Variants in PTPRK observed in about 807,000 individuals in gnomAD.
The protein encoded by PTPRK is protein tyrosine phosphatase receptor type K.
In PTPRK, 75 loss-of-function variants were observed where a neutral mutation model predicts 178.0. The observed-to-expected ratio is 0.42, with a 90% CI of 0.35 to 0.51. The LOEUF (loss-of-function observed/expected upper bound fraction) is 0.51. Ranked by LOEUF, PTPRK falls within the 20% of genes least tolerant of loss-of-function variation. PTPRK has a pLI of 0.02. For missense variants in PTPRK, 1,441 were observed against 1,797.8 expected (o/e 0.80, Z 3.59); for synonymous variants, 637 against 620.6 (o/e 1.03, Z -0.39).
intron 6 of PTPRK, among the ~76,000 whole-genome samples, chr6:128,199,654 C>G (rs1805552251): frequency 6.6e-6 from 1 of 151,850 alleles, no homozygotes; most frequent in South Asian, 2.1e-4. Context: ...GAAAATCCAC[C>G]AACTCCCACA....
chr6:128,001,305 C>A, intron 15 of PTPRK: 3 of 875,510 alleles, frequency 3.4e-6, no homozygotes, highest in South Asian at 2.0e-5. Flanking sequence ...TAGCATTAAG[C>A]AATATTTGAA....
At chr6:128,267,263 G>A (rs1377973036) in intron 3 of PTPRK, among the ~76,000 whole-genome samples, 1 of 152,040 alleles carries the variant, frequency 6.6e-6, no homozygotes, top group Admixed American at 6.6e-5. Flanking sequence ...TTACCAAGAA[G>A]AGAAATCACT....
chr6:128,345,855 T>A (rs571346864), intron 2 of PTPRK, among the ~76,000 whole-genome samples: 2 of 152,336 alleles, frequency 1.3e-5, no homozygotes, highest in Admixed American at 1.3e-4. Flanking sequence ...TCTAAATGTA[T>A]AAGCCTTATT....
intron 1 of PTPRK, among the ~76,000 whole-genome samples, chr6:128,507,255 T>C (rs1856509379): frequency 6.6e-6 from 1 of 152,188 alleles, no homozygotes; most frequent in African/African-American, 2.4e-5. Context: ...AAAAACAGTT[T>C]TTTAAATTTC....
At chr6:128,170,244 G>A (rs1800039316) in intron 7 of PTPRK, among the ~76,000 whole-genome samples, 1 of 151,930 alleles carries the variant, frequency 6.6e-6, no homozygotes, top group Non-Finnish European at 1.5e-5. Flanking sequence ...CTCCCCTGCA[G>A]GCCACAAATA....
chr6:128,001,276 CTTT>C, intron 15 of PTPRK: 2 of 1,253,912 alleles, frequency 1.6e-6, no homozygotes, highest in Non-Finnish European at 2.2e-6. Context: ...TTTCTAAGCC[CTTT>C]TAAATCAGTA....
intron 7 of PTPRK, among the ~76,000 whole-genome samples, chr6:128,163,773 C>A (rs1290120163): frequency 1.3e-5 from 2 of 151,340 alleles, no homozygotes; most frequent in African/African-American, 2.4e-5. Context: ...AAGTAGTGAA[C>A]AATAAATCAT....
intron 11 of PTPRK, among the ~76,000 whole-genome samples, chr6:128,072,660 C>T (rs923707094): frequency 3.9e-5 from 6 of 151,940 alleles, no homozygotes; most frequent in East Asian, 1.9e-4. Flanking sequence ...ATTTTCCATT[C>T]GAAGCTGGTA....
intron 15 of PTPRK, among the ~76,000 whole-genome samples, chr6:128,004,649 T>C (rs755152663): frequency 1.3e-5 from 2 of 151,862 alleles, no homozygotes; most frequent in African/African-American, 4.8e-5. Flanking sequence ...TTTAATGCAA[T>C]GATTTTACCT....
At chr6:128,359,397 T>G (rs997852802) in intron 2 of PTPRK, among the ~76,000 whole-genome samples, 6 of 152,198 alleles carry the variant, frequency 3.9e-5, no homozygotes, top group Non-Finnish European at 8.8e-5. Context: ...AAGAATAAAG[T>G]TTGACAACAT....
rs985034225 is a variant in PTPRK at position 128,303,577 on chromosome 6, T to G, written c.495+18462A>C. ...CATATGGGTTGATGCTGTTCAATAT[T>G]AGTGCATGGTATTCTATTATAAATC... On this transcript the variant is annotated intron_variant, in intron 3 of 29. Coordinates refer to ENST00000368226, the MANE Select transcript of PTPRK (RefSeq NM_002844.4). Among the ~76,000 whole-genome samples the G allele has an allele frequency of 4.3e-4, 65 of 152,334 alleles. 1 individual carries two copies. Among genetic ancestry groups the G allele is most frequent in the African/African-American group, 1.4e-3 (58 of 41,582 alleles).
intron 2 of PTPRK, among the ~76,000 whole-genome samples, chr6:128,328,933 A>C (rs1460130964): frequency 6.6e-6 from 1 of 152,168 alleles, no homozygotes; most frequent in African/African-American, 2.4e-5. Flanking sequence ...TTTTTACTTC[A>C]TCTTTCAATC....
intron 2 of PTPRK, among the ~76,000 whole-genome samples, chr6:128,392,090 C>T (rs904693397): frequency 6.6e-6 from 1 of 152,130 alleles, no homozygotes; most frequent in Non-Finnish European, 1.5e-5. Context: ...TAATCCCCTA[C>T]ATTCTCACCC....
chr6:128,214,311 C>G (rs1808813805), intron 6 of PTPRK, among the ~76,000 whole-genome samples: 2 of 152,106 alleles, frequency 1.3e-5, no homozygotes, highest in Admixed American at 6.6e-5. Context: ...ACCTATGATT[C>G]ATACTGTTAC....
At chr6:128,010,405 A>G (rs1237002263) in intron 13 of PTPRK, among the ~76,000 whole-genome samples, 1 of 151,234 alleles carries the variant, frequency 6.6e-6, no homozygotes, top group Non-Finnish European at 1.5e-5. Flanking sequence ...TTTCCAGTGG[A>G]CAATCTGTTA....
At chr6:128,518,590 CTG>C (rs1378296992) in intron 1 of PTPRK, among the ~76,000 whole-genome samples, 5 of 152,208 alleles carry the variant, frequency 3.3e-5, no homozygotes, top group African/African-American at 4.8e-5. Flanking sequence ...GTGACAAACA[CTG>C]TGCAGAAATC....
chr6:128,182,894 A>T (rs994135158), intron 7 of PTPRK, among the ~76,000 whole-genome samples: 5 of 152,164 alleles, frequency 3.3e-5, no homozygotes, highest in Non-Finnish European at 7.4e-5. Flanking sequence ...TAATTTTTTA[A>T]AGACCTATTT....
At chr6:128,464,048 C>T (rs1045279476) in intron 1 of PTPRK, among the ~76,000 whole-genome samples, 1 of 152,064 alleles carries the variant, frequency 6.6e-6, no homozygotes, top group African/African-American at 2.4e-5. Context: ...AGCCACCACA[C>T]CCGGCCAAAC....
At chr6:128,273,717 T>C (rs191505542) in intron 3 of PTPRK, among the ~76,000 whole-genome samples, 2 of 152,298 alleles carry the variant, frequency 1.3e-5, no homozygotes, top group East Asian at 3.9e-4. Context: ...GTTATCTCCA[T>C]TGAGTACACT....
Sources: allele counts gnomAD v4.1 joint callset (sites outside exome capture counted in the v4.1 genomes callset), GRCh38; gene constraint gnomAD v4.1.1; transcripts MANE v1.5; gene names NCBI Gene and HGNC (gene_info 2026-07-23, HGNC 2026-07-21).